Variants in PHLDB2 observed in about 807,000 individuals in gnomAD.
PHLDB2 encodes pleckstrin homology like domain family B member 2.
In PHLDB2, 71 loss-of-function variants were observed where a neutral mutation model predicts 123.6. The observed-to-expected ratio is 0.57, with a 90% CI of 0.47 to 0.70. PHLDB2 has a LOEUF of 0.70. Among genes scored for constraint, PHLDB2 ranks in the 30% least tolerant of loss-of-function variants. The pLI, the probability that PHLDB2 is intolerant of heterozygous loss-of-function variation, is 0.00. For missense variants in PHLDB2, 1,446 were observed against 1,519.5 expected (o/e 0.95, Z 0.80); for synonymous variants, 547 against 541.6 (o/e 1.01, Z -0.14).
chr3:111,932,308 A>G lies in PHLDB2; in HGVS notation c.2041A>G (p.Arg681Gly). Residue 681 changes from arginine to glycine, a missense_variant, in exon 6 of 18, where the codon AGG becomes GGG. Around this residue, in one of 3 missense-constraint regions of PHLDB2, gnomAD observed 832 missense variants for 831.9 expected, o/e 1.00. Coordinates refer to ENST00000431670, the MANE Select transcript of PHLDB2 (RefSeq NM_001134438.2). ...KLDAEREKLE[R>G]LQELYSEQKT... Reference sequence around the variant, plus strand: ...TGATGCTGAAAGGGAAAAACTAGAGAGGCTTCAGGAGCTTTACTCCGAGCA... The same window carrying G: ...TGATGCTGAAAGGGAAAAACTAGAGGGGCTTCAGGAGCTTTACTCCGAGCA... 6.4e-7 allele frequency: 1 copy of G among 1,551,514 alleles called. No homozygotes were observed. The highest frequency in any genetic ancestry group is 8.7e-7 in the Non-Finnish European group (1 of 1,146,746).
chr3:111,876,501 A>G (rs556736073), intron 1 of PHLDB2, among the ~76,000 whole-genome samples: 4 of 152,294 alleles, frequency 2.6e-5, no homozygotes, highest in Middle Eastern at 3.4e-3. Flanking sequence ...ATGATATACT[A>G]TATTCTTATA....
intron 5 of PHLDB2, among the ~76,000 whole-genome samples, chr3:111,920,676 G>C (rs1474471388): frequency 6.6e-6 from 1 of 152,188 alleles, no homozygotes; most frequent in African/African-American, 2.4e-5. Flanking sequence ...TCCTACTTGA[G>C]ATGAGTGCGT....
intron 6 of PHLDB2, among the ~76,000 whole-genome samples, chr3:111,938,195 A>C (rs2069620939): frequency 6.6e-6 from 1 of 152,202 alleles, no homozygotes; most frequent in African/African-American, 2.4e-5. Flanking sequence ...TTTTTAAAAA[A>C]AAGACTTTAT....
intron 16 of PHLDB2, 46 bp from the exon 17 acceptor site, chr3:111,973,686 G>C: frequency 1.0e-6 from 1 of 974,362 alleles, no homozygotes. Context: ...TATTTTTTCT[G>C]TTCCTCAGTG....
At chr3:111,820,077 G>A (rs1209478875) in intron 1 of PHLDB2, among the ~76,000 whole-genome samples, 1 of 152,164 alleles carries the variant, frequency 6.6e-6, no homozygotes, top group Non-Finnish European at 1.5e-5. Flanking sequence ...GTTCCTCTTT[G>A]TTTTTCTTGA....
At chr3:111,966,764 G>T in intron 14 of PHLDB2, 61 bp downstream of exon 14, 2 of 1,306,500 alleles carry the variant, frequency 1.5e-6, no homozygotes, top group Non-Finnish European at 2.2e-6. Flanking sequence ...CCCTGCGCTT[G>T]GCATCAGACA....
At chr3:111,757,246 TC>T (rs765474852) in intron 1 of PHLDB2, among the ~76,000 whole-genome samples, 1 of 152,238 alleles carries the variant, frequency 6.6e-6, no homozygotes, top group Non-Finnish European at 1.5e-5. Context: ...CAGAGTGTTT[TC>T]CAACTTGGTT....
chr3:111,855,197 G>A (rs2108621580), upstream of PHLDB2, among the ~76,000 whole-genome samples: 1 of 152,308 alleles, frequency 6.6e-6, no homozygotes, highest in Non-Finnish European at 1.5e-5. Context: ...ACCTGAGAGG[G>A]TGAAGGACAC....
intron 1 of PHLDB2, among the ~76,000 whole-genome samples, chr3:111,733,482 C>T (rs542760864): frequency 2.0e-5 from 3 of 152,266 alleles, no homozygotes; most frequent in Admixed American, 6.5e-5. Context: ...GTAAATATCC[C>T]AAGACCCCCC....
intron 2 of PHLDB2, among the ~76,000 whole-genome samples, chr3:111,902,161 T>C (rs1216906200): frequency 6.6e-6 from 1 of 152,194 alleles, no homozygotes; most frequent in Admixed American, 6.5e-5. Flanking sequence ...ATGGTAATTG[T>C]GGTCAGAGAT....
At chr3:111,794,754 A>G (rs1012996687) in intron 1 of PHLDB2, among the ~76,000 whole-genome samples, 3 of 152,374 alleles carry the variant, frequency 2.0e-5, no homozygotes, top group African/African-American at 7.2e-5. Flanking sequence ...GTGGAACTTC[A>G]GTCCCTGATA....
rs1875133 is a variant in PHLDB2, at chr3:111,861,887, C to A, written c.-15+2311C>A. On this transcript the variant is annotated intron_variant, in intron 1 of 17. Coordinates refer to ENST00000431670, the MANE Select transcript of PHLDB2 (RefSeq NM_001134438.2). ...AGATCTATAAGCAAGGGTTGACTCT[C>A]GAGTTCATTGGAGAAGTTACCTCGG... is the stretch of plus-strand genomic sequence containing the variant. 5.3e-5 allele frequency among the ~76,000 whole-genome samples: 8 copies of A among 152,274 alleles called. No homozygotes were observed. The East Asian group carries it at 1.5e-3, about 29-fold the overall frequency.
At chr3:111,893,472 T>C (rs2066621800) in intron 2 of PHLDB2, among the ~76,000 whole-genome samples, 1 of 152,140 alleles carries the variant, frequency 6.6e-6, no homozygotes, top group South Asian at 2.1e-4. Context: ...GGCTCAAGAC[T>C]TTTGAAAGGA....
intron 6 of PHLDB2, among the ~76,000 whole-genome samples, chr3:111,934,548 G>A (rs1330447760): frequency 6.6e-6 from 1 of 152,212 alleles, no homozygotes; most frequent in East Asian, 1.9e-4. Flanking sequence ...TACTTCAGCT[G>A]AAATTGTAGA....
intron 6 of PHLDB2, among the ~76,000 whole-genome samples, chr3:111,935,317 T>A (rs1249021880): frequency 1.3e-5 from 2 of 152,112 alleles, no homozygotes; most frequent in East Asian, 1.9e-4. Flanking sequence ...TTTAAAAAAA[T>A]TTTATTCAGT....
At chr3:111,845,957 G>C (rs1334246008) in intron 2 of PHLDB2, 2 of 1,606,498 alleles carry the variant, frequency 1.2e-6, no homozygotes, top group Non-Finnish European at 1.7e-6. Context: ...ATTGTCAGAG[G>C]TTTTCAGTAC....
intron 1 of PHLDB2, among the ~76,000 whole-genome samples, chr3:111,792,239 T>G (rs2060957512): frequency 6.6e-6 from 1 of 152,224 alleles, no homozygotes; most frequent in Non-Finnish European, 1.5e-5. Context: ...TGGAAATACT[T>G]TATTTCTCCC....
chr3:111,887,888 T>C (rs2066266160), intron 2 of PHLDB2, among the ~76,000 whole-genome samples: 1 of 152,184 alleles, frequency 6.6e-6, no homozygotes, highest in Admixed American at 6.5e-5. Context: ...TAAAGTTCTG[T>C]CCACAAGGTT....
At chr3:111,901,002 G>A (rs759271657) in intron 2 of PHLDB2, among the ~76,000 whole-genome samples, 17 of 151,896 alleles carry the variant, frequency 1.1e-4, no homozygotes, top group South Asian at 2.1e-4. Flanking sequence ...GATCACAGGC[G>A]TGAGCCACTG....
Sources: gnomAD v4.1 joint callset for allele counts (sites outside exome capture counted in the v4.1 genomes callset) on GRCh38, gnomAD v4.1.1 for gene constraint, gnomAD v4.1.1 regional missense constraint, MANE v1.5 for transcripts, NCBI Gene and HGNC (gene_info 2026-07-23, HGNC 2026-07-21) for gene names.